Variants in TMEM164 observed in about 807,000 individuals in gnomAD.
TMEM164 encodes the protein transmembrane protein 164, also known as RP13-360B22.2.
In TMEM164, 4 loss-of-function variants were observed where a neutral mutation model predicts 18.8. That is an observed-to-expected ratio of 0.21 (90% CI 0.10 to 0.49). TMEM164 has a LOEUF of 0.49. Among genes scored for constraint, TMEM164 ranks in the 20% least tolerant of loss-of-function variants. TMEM164 has a pLI of 0.98. For missense variants in TMEM164, 108 were observed against 239.9 expected (o/e 0.45, Z 3.63); for synonymous variants, 86 against 101.7 (o/e 0.85, Z 0.93).
chrX:110,145,812 C>T (rs186997398), intron 5 of TMEM164, among the ~76,000 whole-genome samples: 7 of 111,781 alleles, frequency 6.3e-5, no homozygotes, highest in East Asian at 2.8e-4. Flanking sequence ...TCAGGCATTC[C>T]GGCAGATCTT....
chrX:110,135,441 G>A (rs2066676967), intron 4 of TMEM164, among the ~76,000 whole-genome samples: 1 of 111,299 alleles, frequency 9.0e-6, no homozygotes, highest in Admixed American at 9.6e-5. Context: ...ATGCTGCAGT[G>A]AACATCTTTA....
chrX:110,040,283 C>T (rs1302817533), intron 2 of TMEM164, among the ~76,000 whole-genome samples: 4 of 111,979 alleles, frequency 3.6e-5, no homozygotes, highest in Non-Finnish European at 7.5e-5. Flanking sequence ...TGAATTGTAG[C>T]CTTTGAATTT....
intron 4 of TMEM164, among the ~76,000 whole-genome samples, chrX:110,140,036 T>C (rs566626183): frequency 9.0e-6 from 1 of 111,156 alleles, no homozygotes; most frequent in South Asian, 3.8e-4. Flanking sequence ...GGCAAGGCAT[T>C]GAGAGGCCAG....
intron 4 of TMEM164, among the ~76,000 whole-genome samples, chrX:110,125,254 T>G (rs920217427): frequency 8.1e-4 from 91 of 112,355 alleles, no homozygotes; most frequent in African/African-American, 2.6e-3. Context: ...TGAGTTGCTA[T>G]TAAGGTGCTT....
At chrX:110,123,385 G>A (rs1232875372) in intron 4 of TMEM164, among the ~76,000 whole-genome samples, 1 of 111,938 alleles carries the variant, frequency 8.9e-6, no homozygotes, top group African/African-American at 3.2e-5. Context: ...GTGTGTGTGT[G>A]TGTGAATGTT....
intron 5 of TMEM164, among the ~76,000 whole-genome samples, chrX:110,151,379 C>T (rs748504487): frequency 9.0e-6 from 1 of 111,068 alleles, no homozygotes; most frequent in African/African-American, 3.3e-5. Context: ...CACAACCTCA[C>T]CAAATTGGAT....
At chrX:110,110,040 G>A (rs972603576) in intron 4 of TMEM164, among the ~76,000 whole-genome samples, 2 of 111,522 alleles carry the variant, frequency 1.8e-5, no homozygotes, top group Non-Finnish European at 3.8e-5. Flanking sequence ...AAGGTTTTTC[G>A]CATAACAGTG....
chrX:110,121,198 CA>C (rs1480992906), intron 4 of TMEM164, among the ~76,000 whole-genome samples: 3 of 112,401 alleles, frequency 2.7e-5, no homozygotes, highest in African/African-American at 9.7e-5. Context: ...GTTTAATTGA[CA>C]TATAATTTAC....
intron 4 of TMEM164, among the ~76,000 whole-genome samples, chrX:110,128,472 T>A (rs996608555): frequency 8.9e-6 from 1 of 112,483 alleles, no homozygotes; most frequent in Non-Finnish European, 1.9e-5. Context: ...TTTGTTTCTT[T>A]TTGTTTGGTG....
At chrX:110,105,063 C>T (rs142949105) in intron 3 of TMEM164, among the ~76,000 whole-genome samples, 1,547 of 110,144 alleles carry the variant, frequency 0.014, 32 homozygotes, top group African/African-American at 0.048. Flanking sequence ...GTAGTTTGTC[C>T]CTCATATGAT....
chrX:110,135,863 C>T (rs1049206383), intron 4 of TMEM164, among the ~76,000 whole-genome samples: 2 of 111,967 alleles, frequency 1.8e-5, no homozygotes, highest in African/African-American at 6.5e-5. Flanking sequence ...CTAAGTACTT[C>T]AGCCTGCAGC....
At chrX:110,184,093 T>G (rs959971846), downstream of TMEM164, among the ~76,000 whole-genome samples, 4 of 111,193 alleles carry the variant, frequency 3.6e-5, no homozygotes, top group African/African-American at 1.3e-4. Context: ...GTTCATCAGT[T>G]GTAACAAATG....
At chrX:110,100,982 GTCCT>G (rs951434160) in intron 3 of TMEM164, among the ~76,000 whole-genome samples, 10 of 110,146 alleles carry the variant, frequency 9.1e-5, no homozygotes, top group South Asian at 3.9e-4. Context: ...TGGTCTGTCT[GTCCT>G]TCCTTCCTTC....
chrX:110,048,517 G>A (rs924611332), intron 2 of TMEM164, among the ~76,000 whole-genome samples: 8 of 110,312 alleles, frequency 7.3e-5, no homozygotes, highest in South Asian at 3.9e-4. Context: ...AGGGGTTCCC[G>A]CCCTCTTTTA....
chrX:110,069,008 A>G (rs762351192), intron 3 of TMEM164, among the ~76,000 whole-genome samples: 3 of 111,909 alleles, frequency 2.7e-5, no homozygotes, highest in Non-Finnish European at 3.8e-5. Flanking sequence ...GTTGTAAAAT[A>G]TTCCATGAAT....
Position 110,039,945 on chromosome X carries a change from G to A in TMEM164, c.391-27402G>A, listed in dbSNP as rs141546743. The stretch of plus-strand genomic sequence containing the variant: ...GTGGCTCAGAGGGTGAGGGTGTGGA[G>A]CATTGTCTTCAAAATCCCTGAGCAA... On this transcript the variant is annotated intron_variant, in intron 2 of 6. Coordinates refer to ENST00000372068, the MANE Select transcript of TMEM164 (RefSeq NM_032227.4). Among the ~76,000 whole-genome samples, 460 of 111,526 alleles carry A rather than the reference G, an allele frequency of 4.1e-3. 1 individual carries two copies. The highest frequency in any genetic ancestry group is 0.014 in the African/African-American group (421 of 30,614).
chrX:110,147,982 T>C (rs1374602752), intron 5 of TMEM164, among the ~76,000 whole-genome samples: 1 of 110,650 alleles, frequency 9.0e-6, no homozygotes, highest in Non-Finnish European at 1.9e-5. Context: ...CTCACCTCCC[T>C]TGTCCCTTCC....
intron 5 of TMEM164, among the ~76,000 whole-genome samples, chrX:110,164,135 A>G (rs2067129267): frequency 8.9e-6 from 1 of 112,144 alleles, no homozygotes; most frequent in Non-Finnish European, 1.9e-5. Flanking sequence ...ACGAATTTGA[A>G]GTGAGAACAG....
chrX:110,117,971 G>C (rs1404157022), intron 4 of TMEM164, among the ~76,000 whole-genome samples: 3 of 111,943 alleles, frequency 2.7e-5, no homozygotes. Context: ...GGAGTGCAGT[G>C]GTGTGATTTT....
Sources: allele counts gnomAD v4.1 joint callset (sites outside exome capture counted in the v4.1 genomes callset), GRCh38; gene constraint gnomAD v4.1.1; transcripts MANE v1.5; gene names NCBI Gene and HGNC (gene_info 2026-07-23, HGNC 2026-07-21).